RETREG1: variants seen among roughly 807,000 people sequenced by gnomAD.
RETREG1 encodes reticulophagy regulator 1, also known as family with sequence similarity 134 member B.
RETREG1 carries 44 observed loss-of-function variants against 54.8 expected under a neutral mutation model. The ratio of observed to expected loss-of-function variants is 0.80; its 90% CI spans 0.63 to 1.03. The LOEUF (loss-of-function observed/expected upper bound fraction) is 1.03, where lower values mean the gene tolerates loss of function less well. RETREG1 is among the 50% of genes least tolerant of loss of function. The pLI, the probability that RETREG1 is intolerant of heterozygous loss-of-function variation, is 0.00. For synonymous variants in RETREG1, 217 were observed against 238.5 expected, an observed-to-expected ratio of 0.91 and a Z score of 0.83; for missense variants, 554 against 605.1, an observed-to-expected ratio of 0.92 and a Z score of 0.89.
At chr5:16,549,130 A>C (rs1015258937) in intron 3 of RETREG1, among the ~76,000 whole-genome samples, 2 of 152,214 alleles carry the variant, frequency 1.3e-5, no homozygotes, top group East Asian at 3.8e-4. Flanking sequence ...TTTAGAGGAA[A>C]AGCTTTCTCT....
intron 1 of RETREG1, among the ~76,000 whole-genome samples, chr5:16,576,806 G>T (rs1742332263): frequency 6.6e-6 from 1 of 151,234 alleles, no homozygotes; most frequent in Admixed American, 6.6e-5. Context: ...TAGTAGAGAT[G>T]GGGTTTCACC....
intron 8 of RETREG1, 62 bp downstream of exon 8, chr5:16,477,600 C>T: frequency 6.7e-7 from 1 of 1,489,132 alleles, no homozygotes; most frequent in Non-Finnish European, 9.4e-7. Context: ...CAGTATTTGA[C>T]AGAAGTTCAA....
chr5:16,569,287 CTTTTTTTT>C (rs59365372), intron 2 of RETREG1, among the ~76,000 whole-genome samples: 162 of 140,808 alleles, frequency 1.2e-3, no homozygotes, highest in African/African-American at 3.9e-3. Context: ...CCATTTCTTT[CTTTTTTTT>C]TTTTTTTTTT....
chr5:16,529,406 G>T (rs1195952803), intron 3 of RETREG1, among the ~76,000 whole-genome samples: 2 of 152,192 alleles, frequency 1.3e-5, no homozygotes, highest in Non-Finnish European at 2.9e-5. Flanking sequence ...TTCTGGAAAA[G>T]ATTGCATCTT....
At chr5:16,477,841 T>C (rs1738606614) in intron 7 of RETREG1, 53 bp from the exon 8 acceptor site, 3 of 1,607,542 alleles carry the variant, frequency 1.9e-6, no homozygotes, top group Non-Finnish European at 1.7e-6. Flanking sequence ...CTGAAGGGAA[T>C]ATTTTGAAAA....
intron 1 of RETREG1, among the ~76,000 whole-genome samples, chr5:16,590,827 C>T (rs1317320634): frequency 6.9e-6 from 1 of 145,468 alleles, no homozygotes; most frequent in East Asian, 2.0e-4. Flanking sequence ...CATGCAAACA[C>T]ACACATGCAA....
chr5:16,474,609 G>A lies in RETREG1; in HGVS notation c.*132C>T. 1 of 1,098,268 alleles carries A rather than the reference G, an allele frequency of 9.1e-7. No homozygotes were observed. The highest frequency in any genetic ancestry group is 2.4e-5 in the Admixed American group (1 of 41,248). The allele number at this position is 1,098,268 out of a possible 1,614,324, so 68.0% of individuals were successfully genotyped here. On this transcript the variant is annotated 3_prime_UTR_variant, in exon 9 of 9. Transcript: ENST00000306320. ...TATATCCAATTAATTCACTGCAGGAGGGAAAATAAAACAAATCTAAAGTAA... is the reference window on the plus strand; with the variant it reads ...TATATCCAATTAATTCACTGCAGGAAGGAAAATAAAACAAATCTAAAGTAA...
intron 3 of RETREG1, among the ~76,000 whole-genome samples, chr5:16,548,377 T>C (rs996581036): frequency 4.6e-5 from 7 of 152,296 alleles, no homozygotes; most frequent in Admixed American, 2.0e-4. Flanking sequence ...TAACACACTT[T>C]AAGTAGCCTC....
chr5:16,485,625 G>C (rs1263793434), intron 3 of RETREG1, among the ~76,000 whole-genome samples: 4 of 152,098 alleles, frequency 2.6e-5, no homozygotes, highest in South Asian at 2.1e-4. Context: ...AATTGTAAAA[G>C]AGCCTAGTAT....
chr5:16,580,372 G>T (rs1478304577), intron 1 of RETREG1, among the ~76,000 whole-genome samples: 2 of 152,298 alleles, frequency 1.3e-5, no homozygotes, highest in Admixed American at 1.3e-4. Context: ...TAGCTTTTCT[G>T]AAACACCTTG....
intron 1 of RETREG1, among the ~76,000 whole-genome samples, chr5:16,586,921 TTG>T (rs1211848494): frequency 6.6e-6 from 1 of 152,182 alleles, no homozygotes; most frequent in Non-Finnish European, 1.5e-5. Flanking sequence ...CAACTTCTCA[TTG>T]TGTTCTCACG....
chr5:16,566,169 G>A (rs1164819377), intron 2 of RETREG1, among the ~76,000 whole-genome samples: 1 of 152,194 alleles, frequency 6.6e-6, no homozygotes, highest in African/African-American at 2.4e-5. Flanking sequence ...CACACACCAT[G>A]TGAGTTCAGG....
chr5:16,525,413 A>G (rs1740684819), intron 3 of RETREG1, among the ~76,000 whole-genome samples: 1 of 152,150 alleles, frequency 6.6e-6, no homozygotes, highest in Non-Finnish European at 1.5e-5. Context: ...AGTGCAGCTG[A>G]CCTCATGTGA....
At chr5:16,520,399 G>A (rs562515614) in intron 3 of RETREG1, among the ~76,000 whole-genome samples, 3 of 151,996 alleles carry the variant, frequency 2.0e-5, no homozygotes, top group African/African-American at 4.8e-5. Context: ...GCATGATCTC[G>A]GCTCACTGCA....
At chr5:16,514,089 T>C (rs563968529) in intron 3 of RETREG1, among the ~76,000 whole-genome samples, 2 of 152,368 alleles carry the variant, frequency 1.3e-5, no homozygotes, top group Middle Eastern at 3.4e-3. Flanking sequence ...ATTATTTATA[T>C]ACTGCTATTA....
intron 3 of RETREG1, among the ~76,000 whole-genome samples, chr5:16,522,479 A>C (rs907950210): frequency 3.3e-5 from 5 of 152,168 alleles, no homozygotes; most frequent in African/African-American, 1.2e-4. Flanking sequence ...GGTATGAGCA[A>C]AACACCTTCA....
intron 1 of RETREG1, among the ~76,000 whole-genome samples, chr5:16,614,549 C>A (rs1743438269): frequency 6.6e-6 from 1 of 152,140 alleles, no homozygotes; most frequent in African/African-American, 2.4e-5. Context: ...AGCAGGCAGT[C>A]ATACACATTG....
In RETREG1 at chr5:16,594,495, C is replaced by T. The variant is rs891353573; in HGVS notation, c.320+22157G>A. Among the ~76,000 whole-genome samples the T allele has an allele frequency of 2.6e-5, 4 of 152,048 alleles. No individual in the cohort carries two copies. The highest frequency in any genetic ancestry group is 1.9e-4 in the East Asian group (1 of 5,184). On this transcript the variant is annotated intron_variant, in intron 1 of 8. Transcript: ENST00000306320. The surrounding 1 kb of genome is among the most constrained non-coding windows in gnomAD (Gnocchi z 4.4). Reference sequence around the variant, plus strand: ...ATCCGTGCACTTTGAGAGGCTGAGGCGGGTGGATCACCTGAACTCAGGAGA... The same window carrying T: ...ATCCGTGCACTTTGAGAGGCTGAGGTGGGTGGATCACCTGAACTCAGGAGA...
At chr5:16,528,271 G>T (rs896628743) in intron 3 of RETREG1, among the ~76,000 whole-genome samples, 1 of 152,276 alleles carries the variant, frequency 6.6e-6, no homozygotes, top group African/African-American at 2.4e-5. Flanking sequence ...ATGTAAATAA[G>T]ATGTGATTTT....
Sources: allele counts gnomAD v4.1 joint callset (sites outside exome capture counted in the v4.1 genomes callset), GRCh38; gene constraint gnomAD v4.1.1; non-coding constraint Gnocchi (gnomAD v3.1); transcripts MANE v1.5; gene names NCBI Gene and HGNC (gene_info 2026-07-23, HGNC 2026-07-21).